The following DUXB variants were observed in gnomAD, a reference collection of about 807,000 sequenced individuals.
DUXB encodes the protein double homeobox B, also known as double homeobox protein B.
In DUXB, 22 loss-of-function variants were observed where a neutral mutation model predicts 8.9. That is an observed-to-expected ratio of 2.46 (90% CI 1.76 to 3.52). The LOEUF (loss-of-function observed/expected upper bound fraction) is 3.52. Ranked by LOEUF, DUXB falls within the 30% of genes most tolerant of loss-of-function variation. The pLI is 0.00. For missense variants in DUXB, 237 were observed against 108.7 expected, an observed-to-expected ratio of 2.18 and a Z score of -5.25; for synonymous variants, 84 against 37.6, an observed-to-expected ratio of 2.23 and a Z score of -4.52.
At chr16:75,698,440 AAC>A (rs1292563845) in intron 2 of DUXB, 1 of 152,222 alleles carries the variant, frequency 6.6e-6, no homozygotes, top group Non-Finnish European at 1.5e-5. Flanking sequence ...TTCCTCTAAA[AAC>A]ACATTTTCAC....
Position 75,696,902 on chromosome 16 carries a change from A to G in DUXB, c.222T>C (p.Asp74=). 1.4e-6 allele frequency: 1 copy of G among 702,964 alleles called. No individual in the cohort carries two copies. The highest frequency in any genetic ancestry group is 1.5e-5 in the South Asian group (1 of 67,594). The allele number at this position is 702,964 out of a possible 1,614,324, so 43.5% of individuals were successfully genotyped here. The part of the protein sequence containing the change: ...KNYRVKQRKL[D]YKCFSEKDQT... ...GATCTTTTTCTGAGAAGCACTTATA[A>G]TCCAGTTTTCTCTGTTTTACTCTGT... The change falls in exon 3 of 5, where the codon GAT becomes GAC. Residue 74 remains aspartate (D), a synonymous_variant. Coordinates refer to ENST00000633875, the MANE Select transcript of DUXB (RefSeq NM_001351307.2).
chr16:75,697,220 C>G (rs2082615323), intron 2 of DUXB, among the ~76,000 whole-genome samples: 1 of 152,180 alleles, frequency 6.6e-6, no homozygotes, highest in South Asian at 2.1e-4. Flanking sequence ...TATGAGGTCT[C>G]TCAAAGGATC....
rs1300802018 is a variant in DUXB, at chr16:75,700,317, C to G, written c.26-148G>C. The G allele has an allele frequency of 5.9e-6, 3 of 511,558 alleles. No homozygotes were observed. In the African/African-American group the frequency reaches 5.9e-5, roughly 10 times the overall value. 31.7% of individuals were successfully genotyped at this position (511,558 alleles called of 1,614,324 possible). On this transcript the variant is annotated intron_variant, in intron 1 of 4. Transcript: ENST00000633875. Reference sequence around the variant, plus strand: ...TGATGCAGTTTCGGGTCAATGCGACCTCCGCTCCTGGGTTCAAGCGATTCT... The same window carrying G: ...TGATGCAGTTTCGGGTCAATGCGACGTCCGCTCCTGGGTTCAAGCGATTCT...
intron 2 of DUXB, 58 bp from the exon 3 acceptor site, chr16:75,697,001 A>G (rs1567522073): frequency 1.5e-6 from 1 of 676,940 alleles, no homozygotes; most frequent in Non-Finnish European, 2.7e-6. Context: ...AATATTGCCA[A>G]ATATCAATTC....
At chr16:75,700,304 G>T (rs746916608) in intron 1 of DUXB, 135 bp from the exon 2 acceptor site, 1 of 523,150 alleles carries the variant, frequency 1.9e-6, no homozygotes, top group African/African-American at 2.0e-5. Flanking sequence ...ATGCAGTTTC[G>T]GGTCAATGCG....
At chr16:75,696,587 C>T (rs1158421186) in intron 3 of DUXB, among the ~76,000 whole-genome samples, 1 of 152,082 alleles carries the variant, frequency 6.6e-6, no homozygotes. Flanking sequence ...ATAAAAAGCC[C>T]CGAGCTTGCT....
intron 4 of DUXB, 105 bp from the exon 5 acceptor site, chr16:75,694,630 C>G: frequency 1.5e-6 from 1 of 654,806 alleles, no homozygotes; most frequent in South Asian, 1.7e-5. Flanking sequence ...GGACAAATCA[C>G]AGGGTGATTT....
At chr16:75,699,985 C>G in intron 2 of DUXB, 30 bp downstream of exon 2, 1 of 676,888 alleles carries the variant, frequency 1.5e-6, no homozygotes. Context: ...ATGGTTCTGA[C>G]AGGTAATGAA....
intron 1 of DUXB, among the ~76,000 whole-genome samples, chr16:75,701,160 T>C (rs1434822332): frequency 7.2e-5 from 11 of 152,314 alleles, no homozygotes; most frequent in Middle Eastern, 3.4e-3. Context: ...TTTAAAACTT[T>C]AGGTAGATGA....
chr16:75,698,351 ATCC>A (rs1959195210), intron 2 of DUXB, among the ~76,000 whole-genome samples: 1 of 152,190 alleles, frequency 6.6e-6, no homozygotes, highest in African/African-American at 2.4e-5. Flanking sequence ...TCTCTCCTAT[ATCC>A]TCTCAGACTG....
At position 75,694,403 on chromosome 16, in the gene DUXB, C is replaced by T; in HGVS notation, c.564G>A (p.Leu188=). The change falls in exon 5 of 5, where the codon CTG becomes CTA. Residue 188 remains leucine, a synonymous_variant. Transcript: ENST00000633875. ...DATVGWHPIN[L]FLPTDSSHYF... ...AATGAGAGCTGTCTGTGGGGAGGAACAGGTTGATTGGATGCCACCCAACAG... is the reference window on the plus strand; with the variant it reads ...AATGAGAGCTGTCTGTGGGGAGGAATAGGTTGATTGGATGCCACCCAACAG... 1 of 695,190 alleles carries T rather than the reference C, an allele frequency of 1.4e-6. No individual in the cohort carries two copies. 43.1% of individuals were successfully genotyped at this position (695,190 alleles called of 1,614,324 possible).
At chr16:75,694,602 A>G in intron 4 of DUXB, 77 bp from the exon 5 acceptor site, 1 of 691,472 alleles carries the variant, frequency 1.4e-6, no homozygotes, top group South Asian at 1.5e-5. Context: ...CTATAAAACA[A>G]AGGAGCTATT....
chr16:75,697,245 T>C (rs968957570), intron 2 of DUXB, among the ~76,000 whole-genome samples: 3 of 152,218 alleles, frequency 2.0e-5, no homozygotes, highest in African/African-American at 7.2e-5. Context: ...TCTGTCTCTC[T>C]CTTTCCCTCC....
At chr16:75,697,230 C>T (rs547750620) in intron 2 of DUXB, among the ~76,000 whole-genome samples, 21 of 152,282 alleles carry the variant, frequency 1.4e-4, no homozygotes, top group South Asian at 2.1e-4. Flanking sequence ...CTCAAAGGAT[C>T]GCTCTCTGTC....
rs956420398 is a variant in DUXB at position 75,697,804 on chromosome 16, C to T, written c.181-861G>A. On this transcript the variant is annotated intron_variant, in intron 2 of 4. Transcript: ENST00000633875. ...CAGTGAGCATTACCTGCCTAAGCTT[C>T]GCCTCCTGTCAGATCAGCTGCTGTG... 9.2e-5 allele frequency among the ~76,000 whole-genome samples: 14 copies of T among 152,178 alleles called. No individual in the cohort carries two copies. In the East Asian group the frequency reaches 1.5e-3, roughly 17 times the overall value.
intron 1 of DUXB, 77 bp from the exon 2 acceptor site, chr16:75,700,246 T>A: frequency 1.6e-6 from 1 of 606,774 alleles, no homozygotes. Flanking sequence ...TTAAATTAAT[T>A]TATTTTGAGA....
In DUXB at chr16:75,701,027, T is replaced by C. The variant is rs561671063; in HGVS notation, c.25+367A>G. ...GAAAAAAGTGAAACTCATGGAACAA[T>C]TGAACAGGTGAAATAAGACACACAG... On this transcript the variant is annotated intron_variant, in intron 1 of 4. Transcript: ENST00000633875. Among the ~76,000 whole-genome samples, 18 of 152,160 alleles carry C rather than the reference T, an allele frequency of 1.2e-4. No individual in the cohort carries two copies. The South Asian group carries it at 3.3e-3, about 28-fold the overall frequency.
chr16:75,695,832 C>A, intron 4 of DUXB, 129 bp downstream of exon 4: 2 of 609,026 alleles, frequency 3.3e-6, no homozygotes, highest in Non-Finnish European at 5.8e-6. Context: ...CAGTGCCAGG[C>A]GTTTACCATC....
intron 3 of DUXB, 59 bp from the exon 4 acceptor site, chr16:75,696,174 C>T (rs1434147801): frequency 1.4e-6 from 1 of 692,278 alleles, no homozygotes; most frequent in Non-Finnish European, 2.6e-6. Flanking sequence ...AAAAACAAAC[C>T]CATGAAGATA....
Sources: allele counts gnomAD v4.1 joint callset (sites outside exome capture counted in the v4.1 genomes callset), GRCh38; gene constraint gnomAD v4.1.1; transcripts MANE v1.5; gene names NCBI Gene and HGNC (gene_info 2026-07-23, HGNC 2026-07-21).